Variants in TRAT1 observed in about 807,000 individuals in gnomAD.
TRAT1 encodes T-cell receptor-associated transmembrane adapter 1.
Under a neutral mutation model 20.0 loss-of-function variants are expected in TRAT1, and 20 were observed. The ratio of observed to expected loss-of-function variants is 1.00; its 90% confidence interval spans 0.70 to 1.45. The LOEUF (loss-of-function observed/expected upper bound fraction) is 1.45. Among genes scored for constraint, TRAT1 ranks in the 40% most tolerant of loss-of-function variants. The pLI, the probability that TRAT1 is intolerant of heterozygous loss-of-function variation, is 0.00. For synonymous variants in TRAT1, 77 were observed against 74.2 expected, an observed-to-expected ratio of 1.04 and a Z score of -0.20; for missense variants, 237 against 224.1, an observed-to-expected ratio of 1.06 and a Z score of -0.37.
At position 108,830,716 on chromosome 3, in the gene TRAT1, G is replaced by C. The variant is rs1284790488; in HGVS notation, c.54G>C (p.Leu18Phe). ...PFFLWGLLAL[L>F]GLALVISLIF... ...TCCTCTGGGGACTTCTAGCATTGTT[G>C]GGCTTGGCTTTGGTTATATCACTGA... Residue 18 changes from leucine (L) to phenylalanine (F), a missense_variant, in exon 2 of 6, where the codon TTG (leucine) becomes TTC (phenylalanine). Leu to Phe is a conservative substitution (Grantham distance 22, BLOSUM62 0). Transcript: ENST00000295756. 6.2e-7 allele frequency: 1 copy of C among 1,613,906 alleles called. No individual in the cohort carries two copies. Among genetic ancestry groups the C allele is most frequent in the Non-Finnish European group, 8.5e-7 (1 of 1,179,850 alleles).
chr3:108,843,377 A>C (rs1188046693), intron 3 of TRAT1, among the ~76,000 whole-genome samples: 1 of 152,108 alleles, frequency 6.6e-6, no homozygotes, highest in Non-Finnish European at 1.5e-5. Flanking sequence ...TAAAAATACA[A>C]AAATTTGCTG....
At chr3:108,825,108 G>A (rs1576516483) in intron 1 of TRAT1, among the ~76,000 whole-genome samples, 1 of 140,952 alleles carries the variant, frequency 7.1e-6, no homozygotes, top group East Asian at 2.0e-4. Flanking sequence ...CATGAAGGAA[G>A]AGAATCAGAT....
intron 3 of TRAT1, among the ~76,000 whole-genome samples, chr3:108,841,098 C>T (rs1945893396): frequency 6.6e-6 from 1 of 152,208 alleles, no homozygotes; most frequent in African/African-American, 2.4e-5. Flanking sequence ...GCACATTCTA[C>T]AGTTATTCTT....
At chr3:108,848,230 G>C (rs1945965435) in intron 4 of TRAT1, among the ~76,000 whole-genome samples, 1 of 152,178 alleles carries the variant, frequency 6.6e-6, no homozygotes, top group Admixed American at 6.5e-5. Flanking sequence ...CTAAGGCTTA[G>C]AGATCTGCTA....
In TRAT1 at chr3:108,827,213, T is replaced by C. The variant is rs1349680124; in HGVS notation, c.8-3457T>C. 2.0e-5 allele frequency among the ~76,000 whole-genome samples: 3 copies of C among 152,192 alleles called. No homozygotes were observed. In the East Asian group the frequency reaches 5.8e-4, roughly 29 times the overall value. On this transcript the variant is annotated intron_variant, in intron 1 of 5. Transcript: ENST00000295756. ...TATAAATGAAAGTAATTACAATTAA[T>C]GAATATTGATACTAAAGGTTACACT...
chr3:108,830,174 A>G (rs1273420634), intron 1 of TRAT1, among the ~76,000 whole-genome samples: 23 of 152,186 alleles, frequency 1.5e-4, no homozygotes, highest in African/African-American at 5.6e-4. Context: ...CCTGTGGCCA[A>G]TCTTAACAAA....
At chr3:108,848,162 T>G (rs1390369340) in intron 4 of TRAT1, among the ~76,000 whole-genome samples, 1 of 152,168 alleles carries the variant, frequency 6.6e-6, no homozygotes, top group African/African-American at 2.4e-5. Flanking sequence ...ACCTGCTACT[T>G]CCATACTTAA....
rs2107517788 is a variant in TRAT1, at chr3:108,853,698, A to T, written c.382A>T (p.Asn128Tyr). 2 of 1,614,204 alleles carry T rather than the reference A, an allele frequency of 1.2e-6. No homozygotes were observed. The highest frequency in any genetic ancestry group is 2.2e-5 in the South Asian group (2 of 91,088). Residue 128 changes from asparagine to tyrosine, a missense_variant, in exon 6 of 6, where the codon AAT (asparagine) becomes TAT (tyrosine). By Grantham distance (143) the Asn-to-Tyr change is moderately radical. Coordinates refer to ENST00000295756, the MANE Select transcript of TRAT1 (RefSeq NM_016388.4). The part of the protein sequence containing the change: ...KGKRRKPRKQ[N>Y]THFSDKDGDE... ...GAAGCGTAGAAAGCCCAGGAAACAGAATACTCATTTCTCAGACAAGGATGG... is the reference window on the plus strand; with the variant it reads ...GAAGCGTAGAAAGCCCAGGAAACAGTATACTCATTTCTCAGACAAGGATGG...
chr3:108,836,786 G>C, intron 2 of TRAT1, among the ~76,000 whole-genome samples: 1 of 152,180 alleles, frequency 6.6e-6, no homozygotes, highest in East Asian at 1.9e-4. Flanking sequence ...GAGCTTTAAA[G>C]CAATTTGCGT....
intron 5 of TRAT1, among the ~76,000 whole-genome samples, chr3:108,849,569 C>G (rs2715718): frequency 1.3e-5 from 2 of 151,938 alleles, no homozygotes; most frequent in African/African-American, 4.8e-5. Flanking sequence ...AGGTGACACA[C>G]GGATAATGCT....
chr3:108,831,679 A>G (rs1402075258), intron 2 of TRAT1, among the ~76,000 whole-genome samples: 1 of 151,874 alleles, frequency 6.6e-6, no homozygotes, highest in Non-Finnish European at 1.5e-5. Context: ...AGCTAGGATT[A>G]CAGGCATGCA....
Position 108,838,928 on chromosome 3 carries a change from T to C in TRAT1, c.119-6T>C. On this transcript the variant is annotated splice_region_variant and splice_polypyrimidine_tract_variant and intron_variant, in intron 2 of 5. Coordinates refer to ENST00000295756, the MANE Select transcript of TRAT1 (RefSeq NM_016388.4). ...TTTTAACTTGTCTATTTTGAATATCTTTCAGATAAAATGTACAGCTACTCC... is the reference window on the plus strand; with the variant it reads ...TTTTAACTTGTCTATTTTGAATATCCTTCAGATAAAATGTACAGCTACTCC... 6.2e-7 allele frequency: 1 copy of C among 1,601,800 alleles called. No individual in the cohort carries two copies. Among genetic ancestry groups the C allele is most frequent in the Non-Finnish European group, 8.6e-7 (1 of 1,168,802 alleles).
chr3:108,854,729 G>T lies in TRAT1; in HGVS notation c.*852G>T, dbSNP rs1488101478. The T allele has an allele frequency of 6.6e-6, 1 of 151,956 alleles. No homozygotes were observed. The highest frequency in any genetic ancestry group is 1.5e-5 in the Non-Finnish European group (1 of 67,950). 9.4% of individuals were successfully genotyped at this position (151,956 alleles called of 1,614,324 possible). ...AATACGCATATATTGTAATTTTAAT[G>T]TCTGCTTAGCACCCCACTGATAACC... On this transcript the variant is annotated 3_prime_UTR_variant, in exon 6 of 6. Transcript: ENST00000295756.
intron 3 of TRAT1, among the ~76,000 whole-genome samples, chr3:108,846,502 A>G (rs1175444946): frequency 1.3e-5 from 2 of 152,216 alleles, no homozygotes; most frequent in Non-Finnish European, 2.9e-5. Context: ...GTGATCAATC[A>G]TTTTATTGCA....
chr3:108,842,730 A>C (rs1039691949), intron 3 of TRAT1, among the ~76,000 whole-genome samples: 3 of 152,202 alleles, frequency 2.0e-5, no homozygotes, highest in South Asian at 2.1e-4. Context: ...TCATGCTGGC[A>C]GTTCTTTCCA....
At chr3:108,844,843 CAAAAA>C (rs71103495) in intron 3 of TRAT1, among the ~76,000 whole-genome samples, 3 of 47,838 alleles carry the variant, frequency 6.3e-5, no homozygotes, top group South Asian at 8.7e-4. Flanking sequence ...GACTCTGTCT[CAAAAA>C]AAAAAAAAAA....
At chr3:108,836,065 G>A (rs577099614) in intron 2 of TRAT1, among the ~76,000 whole-genome samples, 32 of 151,820 alleles carry the variant, frequency 2.1e-4, no homozygotes, top group African/African-American at 6.5e-4. Flanking sequence ...GACTACAGGC[G>A]CATGCCACCA....
At position 108,847,115 on chromosome 3, in the gene TRAT1, A is replaced by G. The variant is rs925933216; in HGVS notation, c.200A>G (p.Asp67Gly). The change falls in exon 4 of 6, where the codon GAT (aspartate) becomes GGT (glycine). Residue 67 changes from aspartate (D) to glycine (G), a missense_variant. Coordinates refer to ENST00000295756, the MANE Select transcript of TRAT1 (RefSeq NM_016388.4). ...IEDTPIYGNL[D>G]DMISEPMDEN... ...GACACACCAATTTATGGTAACTTAG[A>G]TGATATGATTTCAGGTAAGTTTTCC... 1 of 1,544,340 alleles carries G rather than the reference A, an allele frequency of 6.5e-7. No individual in the cohort carries two copies. Among genetic ancestry groups the G allele is most frequent in the South Asian group, 1.2e-5 (1 of 85,810 alleles).
Position 108,845,066 on chromosome 3 carries a change from A to G in TRAT1, c.153-2002A>G, listed in dbSNP as rs150983210. The stretch of plus-strand genomic sequence containing the variant: ...CACTAGCCTCTCAGATATGAGTTCA[A>G]TTATTAATTTATTTTTAAAAGTAAT... On this transcript the variant is annotated intron_variant, in intron 3 of 5. Coordinates refer to ENST00000295756, the MANE Select transcript of TRAT1 (RefSeq NM_016388.4). 1.1e-4 allele frequency among the ~76,000 whole-genome samples: 17 copies of G among 152,246 alleles called. No homozygotes were observed. The East Asian group carries it at 3.3e-3, about 29-fold the overall frequency.
Sources: gnomAD v4.1 joint callset for allele counts (sites outside exome capture counted in the v4.1 genomes callset) on GRCh38, gnomAD v4.1.1 for gene constraint, MANE v1.5 for transcripts, NCBI Gene and HGNC (gene_info 2026-07-23, HGNC 2026-07-21) for gene names.